ANO2: variants seen among roughly 807,000 people sequenced by gnomAD.
ANO2 encodes the protein anoctamin 2, also known as anoctamin-2.
ANO2 carries 101 observed loss-of-function variants against 124.2 expected under a neutral mutation model. The ratio of observed to expected loss-of-function variants is 0.81; its 90% CI spans 0.69 to 0.96. ANO2 has a LOEUF of 0.96. ANO2 is among the 40% of genes least tolerant of loss of function. ANO2 has a pLI of 0.00. For synonymous variants in ANO2, 486 were observed against 482.5 expected (o/e 1.01, Z -0.09); for missense variants, 1,293 against 1,274.5 (o/e 1.01, Z -0.22).
intron 16 of ANO2, among the ~76,000 whole-genome samples, chr12:5,629,713 C>T (rs745535041): frequency 2.6e-5 from 4 of 152,178 alleles, no homozygotes; most frequent in Non-Finnish European, 4.4e-5. Flanking sequence ...TGGAATCCTA[C>T]CCCCGCAGCA....
intron 14 of ANO2, among the ~76,000 whole-genome samples, chr12:5,683,837 G>T (rs1948599562): frequency 6.6e-6 from 1 of 152,058 alleles, no homozygotes; most frequent in South Asian, 2.1e-4. Flanking sequence ...GGCAGGGCTT[G>T]AAGGATGGAG....
intron 22 of ANO2, among the ~76,000 whole-genome samples, chr12:5,577,206 C>T (rs1942462262): frequency 6.6e-6 from 1 of 152,248 alleles, no homozygotes; most frequent in Admixed American, 6.5e-5. Flanking sequence ...CTCTGCCTCA[C>T]CTCACACCTT....
At chr12:5,758,376 A>G (rs1165861998) in intron 10 of ANO2, among the ~76,000 whole-genome samples, 1 of 152,186 alleles carries the variant, frequency 6.6e-6, no homozygotes. Flanking sequence ...GAGTGCACAG[A>G]GCCTGCCTAA....
chr12:5,910,082 C>T (rs1376573785), intron 3 of ANO2, among the ~76,000 whole-genome samples: 1 of 152,184 alleles, frequency 6.6e-6, no homozygotes, highest in Non-Finnish European at 1.5e-5. Context: ...GACCTAGAGA[C>T]ACATCTAAAA....
chr12:5,928,220 A>G (rs34235693), intron 1 of ANO2, among the ~76,000 whole-genome samples: 13,154 of 152,088 alleles, frequency 0.086, 619 homozygotes, highest in Middle Eastern at 0.12. Flanking sequence ...CCCTCTTGGC[A>G]TCATTACTGT....
At chr12:5,919,179 G>GCTA (rs1941551776) in intron 3 of ANO2, among the ~76,000 whole-genome samples, 5 of 152,220 alleles carry the variant, frequency 3.3e-5, no homozygotes, top group Admixed American at 3.3e-4. Flanking sequence ...GAGAGGGACG[G>GCTA]GGTGGGGGTA....
intron 17 of ANO2, among the ~76,000 whole-genome samples, chr12:5,613,678 CTTG>C (rs1944655717): frequency 1.3e-5 from 2 of 152,170 alleles, no homozygotes; most frequent in Non-Finnish European, 1.5e-5. Flanking sequence ...CTGAAGTCTT[CTTG>C]TTGTCTCCGT....
chr12:5,886,010 A>G (rs1315755217), intron 3 of ANO2, among the ~76,000 whole-genome samples: 1 of 152,188 alleles, frequency 6.6e-6, no homozygotes, highest in Non-Finnish European at 1.5e-5. Context: ...TGTCCGGAGT[A>G]GGCCAAAAGG....
At chr12:5,748,001 T>A (rs1951321179) in intron 11 of ANO2, among the ~76,000 whole-genome samples, 1 of 151,932 alleles carries the variant, frequency 6.6e-6, no homozygotes, top group Non-Finnish European at 1.5e-5. Context: ...CGTGCATGAG[T>A]GTGTGTGAAT....
chr12:5,646,804 G>A (rs929743946), intron 15 of ANO2, among the ~76,000 whole-genome samples: 1 of 152,174 alleles, frequency 6.6e-6, no homozygotes, highest in African/African-American at 2.4e-5. Context: ...AGTTGAATTG[G>A]TGATATCTAA....
intron 16 of ANO2, among the ~76,000 whole-genome samples, chr12:5,624,709 G>A (rs1393540620): frequency 5.3e-5 from 8 of 152,254 alleles, no homozygotes; most frequent in Middle Eastern, 6.8e-3. Flanking sequence ...ATCAGCTCCC[G>A]CCGTGTGGAG....
intron 3 of ANO2, among the ~76,000 whole-genome samples, chr12:5,905,708 T>C (rs1404601702): frequency 2.6e-5 from 4 of 152,164 alleles, no homozygotes; most frequent in Non-Finnish European, 5.9e-5. Context: ...CCTTGGAATC[T>C]GCCCAATGGC....
chr12:5,698,781 G>A (rs572659072), intron 14 of ANO2, among the ~76,000 whole-genome samples: 7 of 152,300 alleles, frequency 4.6e-5, no homozygotes, highest in South Asian at 4.2e-4. Flanking sequence ...ACCATGGCAC[G>A]AGAACTATGT....
chr12:5,630,362 C>A (rs1026613613), intron 16 of ANO2, among the ~76,000 whole-genome samples: 5 of 152,214 alleles, frequency 3.3e-5, no homozygotes, highest in Non-Finnish European at 7.3e-5. Flanking sequence ...AACCCTGTAA[C>A]CGTATCTCTG....
chr12:5,761,929 C>T (rs1951755823), intron 10 of ANO2, among the ~76,000 whole-genome samples: 2 of 151,968 alleles, frequency 1.3e-5, no homozygotes, highest in South Asian at 4.2e-4. Flanking sequence ...GTATGTGCTG[C>T]AAAAATAGTT....
At chr12:5,924,906 T>C (rs1320808691) in intron 1 of ANO2, among the ~76,000 whole-genome samples, 1 of 152,176 alleles carries the variant, frequency 6.6e-6, no homozygotes, top group Non-Finnish European at 1.5e-5. Context: ...ACGGAATTGA[T>C]TGAGGCCTGT....
chr12:5,864,060 G>C (rs1391512994), intron 3 of ANO2, among the ~76,000 whole-genome samples: 5 of 152,062 alleles, frequency 3.3e-5, no homozygotes, highest in Admixed American at 2.0e-4. Flanking sequence ...AAAGCACAGG[G>C]CATACCCATG....
At chr12:5,742,844 G>C (rs1255545658) in intron 12 of ANO2, among the ~76,000 whole-genome samples, 2 of 152,056 alleles carry the variant, frequency 1.3e-5, no homozygotes, top group Non-Finnish European at 2.9e-5. Flanking sequence ...TGACTTCCCA[G>C]GCAACAAGCC....
chr12:5,713,972 A>C (rs1949919248), intron 14 of ANO2, among the ~76,000 whole-genome samples: 1 of 152,190 alleles, frequency 6.6e-6, no homozygotes, highest in Admixed American at 6.5e-5. Flanking sequence ...AGGAGACAGA[A>C]GGAGAGATGT....
Sources: gnomAD v4.1 joint callset for allele counts (sites outside exome capture counted in the v4.1 genomes callset) on GRCh38, gnomAD v4.1.1 for gene constraint, MANE v1.5 for transcripts, NCBI Gene and HGNC (gene_info 2026-07-23, HGNC 2026-07-21) for gene names.